The following ARAP1 variants were observed in gnomAD, a reference collection of about 807,000 sequenced individuals.
The protein encoded by ARAP1 is arf-GAP with Rho-GAP domain, ANK repeat and PH domain-containing protein 1.
ARAP1 carries 76 observed loss-of-function variants against 172.2 expected under a neutral mutation model. That is an observed-to-expected ratio of 0.44 (90% CI 0.37 to 0.53). The LOEUF is 0.53. Ranked by LOEUF, ARAP1 falls within the 20% of genes least tolerant of loss-of-function variation. ARAP1 has a pLI of 0.00. For synonymous variants in ARAP1, 804 were observed against 803.3 expected (o/e 1.00, Z -0.01); for missense variants, 1,686 against 1,977.5 (o/e 0.85, Z 2.80).
intron 3 of ARAP1, among the ~76,000 whole-genome samples, chr11:72,720,628 C>G (rs1214561137): frequency 6.6e-6 from 1 of 152,182 alleles, no homozygotes; most frequent in Non-Finnish European, 1.5e-5. Flanking sequence ...ACTCTCCATA[C>G]AGCAGTGCCC....
Position 72,710,434 on chromosome 11 carries a change from A to G in ARAP1, c.1367T>C (p.Leu456Pro). The G allele has an allele frequency of 6.2e-7, 1 of 1,614,086 alleles. No individual in the cohort carries two copies. The highest frequency in any genetic ancestry group is 8.5e-7 in the Non-Finnish European group (1 of 1,179,980). ...SLELRGFKNK[L>P]YVAVVGDKVQ... is the part of the protein sequence containing the mutation. ...TTTGTCCCCGACCACGGCCACGTAC[A>G]GCTTATTCTTGAAGCCACGAAGCTC... The change falls in exon 10 of 35, where the codon CTG becomes CCG. Residue 456 changes from leucine (L) to proline (P), a missense_variant. By Grantham distance (98) the Leu-to-Pro change is moderately conservative (BLOSUM62 -3). This residue lies in a region of ARAP1 where 688 missense variants were observed against 856.9 expected (regional missense o/e 0.80). Transcript: ENST00000393609. This position sits in a 1 kb window ranked among gnomAD's most constrained non-coding sequence, Gnocchi z 4.3.
intron 1 of ARAP1, among the ~76,000 whole-genome samples, chr11:72,735,463 G>A (rs930447277): frequency 1.4e-4 from 22 of 152,098 alleles, no homozygotes; most frequent in Non-Finnish European, 2.1e-4. Flanking sequence ...GGGCATGGTG[G>A]TGGGTGCCTG....
chr11:72,733,970 T>A (rs1212478898), intron 1 of ARAP1, among the ~76,000 whole-genome samples: 1 of 152,058 alleles, frequency 6.6e-6, no homozygotes, highest in Non-Finnish European at 1.5e-5. Flanking sequence ...GGACTACAGG[T>A]GCGTATCACC....
In ARAP1 at chr11:72,695,498, G is replaced by A. The variant is rs1286920160; in HGVS notation, c.3508-43C>T. 1.9e-6 allele frequency: 3 copies of A among 1,614,036 alleles called. No homozygotes were observed. Among genetic ancestry groups the A allele is most frequent in the Non-Finnish European group, 2.5e-6 (3 of 1,180,026 alleles). On this transcript the variant is annotated intron_variant, in intron 25 of 34. Coordinates refer to ENST00000393609, the MANE Select transcript of ARAP1 (RefSeq NM_001040118.3). The surrounding 1 kb of genome is among the most constrained non-coding windows in gnomAD (Gnocchi z 4.4). ...TCAGCTGGGGGCCTAGGAAATGGGT[G>A]CAGGTGGCAGGTCCAAGCCCCCCAC...
Position 72,702,939 on chromosome 11 carries a change from C to T in ARAP1, c.2133G>A (p.Leu711=). The change falls in exon 15 of 35, where the codon CTG becomes CTA. Residue 711 remains leucine, a synonymous_variant. Transcript: ENST00000393609. The stretch of plus-strand genomic sequence containing the variant: ...GGTTGTTCCGAAGGAATTCCATCTG[C>T]AGCGTCTGCCCCGCCTGCTCTGCAA... The part of the protein sequence containing the change: ...LALAEQAGQT[L]QMEFLRNNRT... 4 of 1,559,904 alleles carry T rather than the reference C, an allele frequency of 2.6e-6. No individual in the cohort carries two copies. Among genetic ancestry groups the T allele is most frequent in the Non-Finnish European group, 3.5e-6 (4 of 1,151,422 alleles).
intron 11 of ARAP1, among the ~76,000 whole-genome samples, chr11:72,709,237 T>A (rs185036953): frequency 1.8e-4 from 28 of 151,822 alleles, no homozygotes; most frequent in African/African-American, 6.8e-4. Context: ...GGGTTGGGAG[T>A]GATGCTAGTG....
chr11:72,752,107 C>T (rs998942288), intron 1 of ARAP1, among the ~76,000 whole-genome samples: 6 of 152,244 alleles, frequency 3.9e-5, no homozygotes, highest in Non-Finnish European at 7.3e-5. Flanking sequence ...GCTGGAAGCC[C>T]CGGGTCCCGC....
chr11:72,722,632 A>T (rs1355990563), intron 3 of ARAP1, among the ~76,000 whole-genome samples: 1 of 152,208 alleles, frequency 6.6e-6, no homozygotes, highest in Non-Finnish European at 1.5e-5. Context: ...GATTGGCTGG[A>T]CTGCAGGGCA....
intron 4 of ARAP1, 130 bp downstream of exon 4, chr11:72,714,022 G>T (rs924184239): frequency 9.5e-7 from 1 of 1,055,666 alleles, no homozygotes; most frequent in Non-Finnish European, 1.3e-6. Context: ...TGACCTGCCC[G>T]GGGCCACACA....
intron 30 of ARAP1, among the ~76,000 whole-genome samples, chr11:72,689,147 C>G (rs1400984164): frequency 1.3e-5 from 2 of 152,218 alleles, no homozygotes; most frequent in African/African-American, 4.8e-5. Context: ...ACAGGAAGAA[C>G]TTCCCAATGG....
Position 72,730,560 on chromosome 11 carries a change from C to T in ARAP1, c.-45+1955G>A, listed in dbSNP as rs60057195. ...AAAAATACAAAAAGTTAGCCAGGCA[C>T]AGTGGCAGACACCTGTAATCCCAGC... On this transcript the variant is annotated intron_variant, in intron 2 of 34. Transcript: ENST00000393609. 7.2e-3 allele frequency among the ~76,000 whole-genome samples: 1,091 copies of T among 152,274 alleles called. 18 individuals carry two copies. Among genetic ancestry groups the T allele is most frequent in the African/African-American group, 0.025 (1,025 of 41,544 alleles).
chr11:72,711,362 C>T, intron 8 of ARAP1, 68 bp downstream of exon 8: 1 of 1,561,618 alleles, frequency 6.4e-7, no homozygotes, highest in Non-Finnish European at 8.8e-7. Context: ...AGGGACGCCA[C>T]CTCGCTCCAG....
rs1428102720 is a variant in ARAP1 at position 72,693,102 on chromosome 11, T to C, written c.3954+223A>G. ...AGAGCATGGGCATGGAGTGGTGTGA[T>C]GGCATCCGGGTGCCAGGGCTTAGTG... On this transcript the variant is annotated intron_variant, in intron 29 of 34. Coordinates refer to ENST00000393609, the MANE Select transcript of ARAP1 (RefSeq NM_001040118.3). The surrounding 1 kb of genome is among the most constrained non-coding windows in gnomAD (Gnocchi z 4.6). 8 of 682,968 alleles carry C rather than the reference T, an allele frequency of 1.2e-5. No individual in the cohort carries two copies. 42.3% of individuals were successfully genotyped at this position (682,968 alleles called of 1,614,324 possible). A position where few individuals can be genotyped will look rare whatever the true frequency, so the allele number is the denominator to read the frequency against.
chr11:72,719,925 T>C (rs1857439534), intron 3 of ARAP1, among the ~76,000 whole-genome samples: 1 of 152,156 alleles, frequency 6.6e-6, no homozygotes, highest in Non-Finnish European at 1.5e-5. Context: ...AAATCATACA[T>C]CCATCCTCCC....
chr11:72,704,500 G>C, intron 13 of ARAP1, 166 bp from the exon 14 acceptor site: 5 of 721,272 alleles, frequency 6.9e-6, no homozygotes, highest in Non-Finnish European at 8.8e-6. Context: ...GGTGGCTGGG[G>C]ATGCTCCTGC....
At position 72,726,413 on chromosome 11, in the gene ARAP1, G is replaced by A. The variant is rs568631868; in HGVS notation, c.509+207C>T. Among the ~76,000 whole-genome samples the A allele has an allele frequency of 1.6e-4, 24 of 152,258 alleles. No individual in the cohort carries two copies. In the South Asian group the frequency reaches 4.8e-3, roughly 30 times the overall value. ...AGGCCTCACTGGCACACGCCCAGCA[G>A]CCCAGGCACTGCGCTGAGTACCTGC... On this transcript the variant is annotated intron_variant, in intron 3 of 34. Transcript: ENST00000393609. The surrounding 1 kb of genome is among the most constrained non-coding windows in gnomAD (Gnocchi z 6.5).
chr11:72,745,338 G>A (rs1288206591), intron 1 of ARAP1, among the ~76,000 whole-genome samples: 2 of 148,452 alleles, frequency 1.3e-5, no homozygotes, highest in Non-Finnish European at 3.0e-5. Context: ...ACAGGCGCCT[G>A]CCACCACGTC....
chr11:72,687,424 C>T lies in ARAP1; in HGVS notation c.4185+15G>A, dbSNP rs777731393. 1.2e-6 allele frequency: 2 copies of T among 1,614,226 alleles called. No individual in the cohort carries two copies. Among genetic ancestry groups the T allele is most frequent in the Non-Finnish European group, 1.7e-6 (2 of 1,180,030 alleles). Reference sequence around the variant, plus strand: ...CCAGGGACCCACCCCACACCCCACACTCTGCACCTGGTACCTGCACAAACA... The same window carrying T: ...CCAGGGACCCACCCCACACCCCACATTCTGCACCTGGTACCTGCACAAACA... On this transcript the variant is annotated intron_variant, in intron 33 of 34. Coordinates refer to ENST00000393609, the MANE Select transcript of ARAP1 (RefSeq NM_001040118.3).
intron 32 of ARAP1, 45 bp from the exon 33 acceptor site, chr11:72,687,547 G>C: frequency 6.2e-7 from 1 of 1,613,866 alleles, no homozygotes; most frequent in Non-Finnish European, 8.5e-7. Context: ...AGGCCTGACT[G>C]AGCAGGGAAC....
Sources: gnomAD v4.1 joint callset for allele counts (sites outside exome capture counted in the v4.1 genomes callset) on GRCh38, gnomAD v4.1.1 for gene constraint, gnomAD v4.1.1 regional missense constraint, Gnocchi (gnomAD v3.1) non-coding constraint, MANE v1.5 for transcripts, NCBI Gene and HGNC (gene_info 2026-07-23, HGNC 2026-07-21) for gene names.